The following NEGR1 variants were observed in gnomAD, a reference collection of about 807,000 sequenced individuals.
The protein encoded by NEGR1 is neuronal growth regulator 1, also known as IgLON family member 4.
A neutral mutation model predicts 40.9 loss-of-function variants in NEGR1; 10 were observed. The ratio of observed to expected loss-of-function variants is 0.24; its 90% CI spans 0.15 to 0.42. NEGR1 has a LOEUF of 0.42. Ranked by LOEUF, NEGR1 falls within the 10% of genes least tolerant of loss-of-function variation. The probability of loss-of-function intolerance (pLI) is 1.00; values close to 1 mark genes in which losing one functional copy is unlikely to be tolerated. For missense variants in NEGR1, 352 were observed against 438.9 expected (o/e 0.80, Z 1.77); for synonymous variants, 185 against 166.8 (o/e 1.11, Z -0.84).
chr1:71,679,486 A>G (rs1652758300), intron 4 of NEGR1, among the ~76,000 whole-genome samples: 1 of 152,146 alleles, frequency 6.6e-6, no homozygotes, highest in Non-Finnish European at 1.5e-5. Flanking sequence ...ATTGTAAATT[A>G]AATGTAAAAA....
intron 1 of NEGR1, among the ~76,000 whole-genome samples, chr1:72,277,542 G>A (rs1248588695): frequency 6.6e-6 from 1 of 152,070 alleles, no homozygotes; most frequent in African/African-American, 2.4e-5. Flanking sequence ...ATTAATAGTT[G>A]TGTACTAATG....
At chr1:72,132,952 CA>C (rs1650313178) in intron 1 of NEGR1, among the ~76,000 whole-genome samples, 1 of 151,970 alleles carries the variant, frequency 6.6e-6, no homozygotes, top group South Asian at 2.1e-4. Flanking sequence ...ATCTTTGAAG[CA>C]AAGAGATAGG....
intron 2 of NEGR1, among the ~76,000 whole-genome samples, chr1:71,932,335 G>T (rs1645863682): frequency 6.6e-6 from 1 of 150,908 alleles, no homozygotes; most frequent in Non-Finnish European, 1.5e-5. Flanking sequence ...TTTTTTGACT[G>T]GTGTGGACCT....
intron 1 of NEGR1, among the ~76,000 whole-genome samples, chr1:71,955,629 A>G (rs777302497): frequency 1.3e-5 from 2 of 152,180 alleles, no homozygotes; most frequent in Non-Finnish European, 2.9e-5. Flanking sequence ...TCTCAGCATT[A>G]AAGCAGCAAA....
chr1:71,949,146 C>A (rs1042993153), intron 1 of NEGR1, among the ~76,000 whole-genome samples: 1 of 152,208 alleles, frequency 6.6e-6, no homozygotes, highest in African/African-American at 2.4e-5. Context: ...TCAACCTTCA[C>A]ATTTGCTTCT....
chr1:71,643,356 T>C (rs900096613), intron 4 of NEGR1, among the ~76,000 whole-genome samples: 1 of 151,914 alleles, frequency 6.6e-6, no homozygotes, highest in African/African-American at 2.4e-5. Context: ...GATATAGTGA[T>C]TGTGGGAGTA....
chr1:71,949,562 C>T (rs1646050978), intron 1 of NEGR1, among the ~76,000 whole-genome samples: 1 of 152,092 alleles, frequency 6.6e-6, no homozygotes, highest in South Asian at 2.1e-4. Flanking sequence ...GAAAAGATGA[C>T]ATATTCTACT....
chr1:71,643,698 T>G (rs1651432781), intron 4 of NEGR1, among the ~76,000 whole-genome samples: 1 of 151,974 alleles, frequency 6.6e-6, no homozygotes, highest in Admixed American at 6.6e-5. Flanking sequence ...AACTCTAAAC[T>G]TCTTCAAATT....
At chr1:71,732,424 G>A (rs1654907971) in intron 3 of NEGR1, among the ~76,000 whole-genome samples, 1 of 152,020 alleles carries the variant, frequency 6.6e-6, no homozygotes, top group African/African-American at 2.4e-5. Context: ...CTCAGCCAAT[G>A]TGTTCAATTT....
intron 1 of NEGR1, among the ~76,000 whole-genome samples, chr1:72,257,533 A>G (rs1030257339): frequency 3.3e-5 from 5 of 152,110 alleles, no homozygotes; most frequent in African/African-American, 1.2e-4. Flanking sequence ...CTCTGTCTCA[A>G]ATGCCCCTCC....
intron 2 of NEGR1, among the ~76,000 whole-genome samples, chr1:71,787,174 C>T (rs563078566): frequency 6.6e-6 from 1 of 152,170 alleles, no homozygotes; most frequent in Non-Finnish European, 1.5e-5. Flanking sequence ...TTAAAAGCAA[C>T]CACGTTTGGG....
chr1:71,576,299 C>G (rs2101499049), intron 6 of NEGR1, among the ~76,000 whole-genome samples: 1 of 152,170 alleles, frequency 6.6e-6, no homozygotes, highest in African/African-American at 2.4e-5. Context: ...AATGAGAGTC[C>G]TATTGCAGTT....
intron 1 of NEGR1, among the ~76,000 whole-genome samples, chr1:72,149,925 G>GA (rs978639048): frequency 3.4e-4 from 38 of 113,134 alleles, no homozygotes; most frequent in East Asian, 2.0e-3. Flanking sequence ...AAAAAAGAAA[G>GA]AAAAAAAAAC....
intron 2 of NEGR1, among the ~76,000 whole-genome samples, chr1:71,793,561 A>G (rs1421301294): frequency 6.6e-6 from 1 of 152,044 alleles, no homozygotes; most frequent in Non-Finnish European, 1.5e-5. Context: ...TGAGGAAAAT[A>G]TTGCCAATTC....
chr1:71,866,167 C>T (rs1401267279), intron 2 of NEGR1, among the ~76,000 whole-genome samples: 3 of 151,958 alleles, frequency 2.0e-5, no homozygotes, highest in African/African-American at 4.8e-5. Flanking sequence ...AGTAAAATGT[C>T]CATAGAACTC....
At chr1:71,651,894 C>T (rs1049504514) in intron 4 of NEGR1, among the ~76,000 whole-genome samples, 4 of 141,142 alleles carry the variant, frequency 2.8e-5, no homozygotes, top group African/African-American at 1.1e-4. Flanking sequence ...ACTTTCCATA[C>T]TGAAATTTAT....
chr1:71,477,949 G>T (rs1480553215), intron 6 of NEGR1, among the ~76,000 whole-genome samples: 1 of 151,450 alleles, frequency 6.6e-6, no homozygotes, highest in Non-Finnish European at 1.5e-5. Flanking sequence ...AGGGAATGAG[G>T]AATAAAAAAA....
At chr1:72,126,798 C>G (rs1450115493) in intron 1 of NEGR1, among the ~76,000 whole-genome samples, 1 of 152,146 alleles carries the variant, frequency 6.6e-6, no homozygotes, top group Non-Finnish European at 1.5e-5. Context: ...CCTTCTAACC[C>G]AAGAACGAAT....
At chr1:71,864,150 C>T (rs1186002633) in intron 2 of NEGR1, among the ~76,000 whole-genome samples, 2 of 152,076 alleles carry the variant, frequency 1.3e-5, no homozygotes, top group Non-Finnish European at 2.9e-5. Context: ...GTCAGGGGGC[C>T]GTCTTAGGGA....
Sources: gnomAD v4.1 joint callset for allele counts (sites outside exome capture counted in the v4.1 genomes callset) on GRCh38, gnomAD v4.1.1 for gene constraint, MANE v1.5 for transcripts, NCBI Gene and HGNC (gene_info 2026-07-23, HGNC 2026-07-21) for gene names.